POLB: variants seen among roughly 807,000 people sequenced by gnomAD.
POLB encodes 5'-dRP lyase.
A neutral mutation model predicts 52.7 loss-of-function variants in POLB; 37 were observed. The observed-to-expected ratio is 0.70, with a 90% CI of 0.54 to 0.92. The LOEUF (loss-of-function observed/expected upper bound fraction) is 0.92, where lower values mean the gene tolerates loss of function less well. Among genes scored for constraint, POLB ranks in the 40% least tolerant of loss-of-function variants. The pLI is 0.00. For missense variants in POLB, 313 were observed against 400.8 expected (o/e 0.78, Z 1.87); for synonymous variants, 138 against 131.3 (o/e 1.05, Z -0.35).
chr8:42,359,429 A>G (rs951007768), intron 9 of POLB, among the ~76,000 whole-genome samples: 1 of 151,204 alleles, frequency 6.6e-6, no homozygotes, highest in Non-Finnish European at 1.5e-5. Context: ...ATCTCGGCTC[A>G]CTGCAACCTC....
intron 2 of POLB, chr8:42,339,643 C>G (rs1047764401): frequency 6.6e-6 from 1 of 152,156 alleles, no homozygotes; most frequent in Non-Finnish European, 1.5e-5. Flanking sequence ...ACCTTCCAGC[C>G]TCAAGTGATC....
intron 2 of POLB, chr8:42,339,288 G>C (rs943940598): frequency 3.6e-6 from 2 of 560,736 alleles, no homozygotes; most frequent in African/African-American, 1.9e-5. Context: ...GATAGCTGTA[G>C]CCTGATACGT....
Position 42,357,154 on chromosome 8 carries a change from A to T in POLB, c.423-15A>T, listed in dbSNP as rs373888562. 1 of 1,419,678 alleles carries T rather than the reference A, an allele frequency of 7.0e-7. No homozygotes were observed. The highest frequency in any genetic ancestry group is 1.4e-5 in the African/African-American group (1 of 70,532). 87.9% of individuals were successfully genotyped at this position (1,419,678 alleles called of 1,614,324 possible). ...TTTTACGAAAATCTTTTGTCTACTT[A>T]TTCTGTCTTTATAGATATTTTGGGG... On this transcript the variant is annotated splice_polypyrimidine_tract_variant and intron_variant, in intron 7 of 13. Coordinates refer to ENST00000265421, the MANE Select transcript of POLB (RefSeq NM_002690.3).
rs200636493 is a variant in POLB, at chr8:42,338,647, A to G, written c.23A>G (p.Gln8Arg). ...GCCATGAGCAAACGGAAGGCGCCGC[A>G]GGAGACTCTCAACGGGGGAATCACC... MSKRKAP[Q>R]ETLNGGITDM... Residue 8 changes from glutamine (Q) to arginine (R), a missense_variant, in exon 1 of 14, where the codon CAG becomes CGG. Physicochemically the swap from Gln to Arg is conservative, Grantham distance 43. Transcript: ENST00000265421. 307 of 1,614,188 alleles carry G rather than the reference A, an allele frequency of 1.9e-4. No homozygotes were observed. The highest frequency in any genetic ancestry group is 2.4e-4 in the Non-Finnish European group (286 of 1,180,002).
chr8:42,366,742 TGGGAAGGTG>T (rs942558312), intron 11 of POLB, among the ~76,000 whole-genome samples: 13 of 152,208 alleles, frequency 8.5e-5, no homozygotes, highest in African/African-American at 3.1e-4. Flanking sequence ...TGTATGGCAT[TGGGAAGGTG>T]GATTTACTTC....
At chr8:42,369,517 C>T in intron 12 of POLB, 182 bp downstream of exon 12, 1 of 530,594 alleles carries the variant, frequency 1.9e-6, no homozygotes, top group Non-Finnish European at 3.3e-6. Flanking sequence ...TGACTGTCTA[C>T]AGACTCCAAT....
intron 5 of POLB, among the ~76,000 whole-genome samples, chr8:42,350,492 G>A (rs1225731583): frequency 6.6e-6 from 1 of 152,050 alleles, no homozygotes; most frequent in Non-Finnish European, 1.5e-5. Flanking sequence ...GCCCATGCTG[G>A]TCTTGAACTC....
chr8:42,340,793 C>T (rs1822154159), intron 2 of POLB, among the ~76,000 whole-genome samples: 1 of 152,202 alleles, frequency 6.6e-6, no homozygotes, highest in Non-Finnish European at 1.5e-5. Flanking sequence ...TGTGCTCCCT[C>T]CTTTCCTTAC....
At chr8:42,357,049 C>T in intron 7 of POLB, 120 bp from the exon 8 acceptor site, 1 of 627,062 alleles carries the variant, frequency 1.6e-6, no homozygotes. Flanking sequence ...TTCATTCTAG[C>T]CTTGATTTGT....
At chr8:42,367,578 A>T (rs896714566) in intron 11 of POLB, among the ~76,000 whole-genome samples, 1 of 152,206 alleles carries the variant, frequency 6.6e-6, no homozygotes, top group African/African-American at 2.4e-5. Context: ...TTCTCATTCC[A>T]TATCCCCTTT....
chr8:42,347,741 A>C (rs1359699113), intron 3 of POLB, among the ~76,000 whole-genome samples: 1 of 152,158 alleles, frequency 6.6e-6, no homozygotes, highest in Non-Finnish European at 1.5e-5. Flanking sequence ...TTTCTAATCT[A>C]TTCTGCTTCC....
At position 42,371,654 on chromosome 8, in the gene POLB, A is replaced by C; in HGVS notation, c.1005A>C (p.Glu335Asp). The part of the protein sequence containing the change: ...WKYREPKDRS[E>D] ...ACCGGGAACCCAAGGACCGGAGCGA[A>C]TGAGGCCTGTATCCTCCCTGGCAGA... is the stretch of plus-strand genomic sequence containing the variant. The change falls in exon 14 of 14, where the codon GAA (glutamate) becomes GAC (aspartate). Residue 335 changes from glutamate to aspartate, a missense_variant. Physicochemically the swap from Glu to Asp is conservative, Grantham distance 45. This residue lies in a region of POLB where 246 missense variants were observed against 297.6 expected (regional missense o/e 0.83). Coordinates refer to ENST00000265421, the MANE Select transcript of POLB (RefSeq NM_002690.3). 6.3e-7 allele frequency: 1 copy of C among 1,592,200 alleles called. No homozygotes were observed. Among genetic ancestry groups the C allele is most frequent in the Non-Finnish European group, 8.6e-7 (1 of 1,160,270 alleles).
rs996071940 is a variant in POLB at position 42,355,508 on chromosome 8, C to T, written c.371-8C>T. ...TTAACATGTCAACTTTATTTATCTT[C>T]TATACAGATCTCAGAAAAAATGAAG... On this transcript the variant is annotated splice_region_variant and splice_polypyrimidine_tract_variant and intron_variant, in intron 6 of 13. Transcript: ENST00000265421. 2 of 1,511,756 alleles carry T rather than the reference C, an allele frequency of 1.3e-6. No homozygotes were observed. Among genetic ancestry groups the T allele is most frequent in the African/African-American group, 2.7e-5 (2 of 72,972 alleles). 93.6% of individuals were successfully genotyped at this position (1,511,756 alleles called of 1,614,324 possible).
intron 6 of POLB, among the ~76,000 whole-genome samples, chr8:42,354,988 A>C (rs1471324547): frequency 6.6e-6 from 1 of 152,174 alleles, no homozygotes; most frequent in African/African-American, 2.4e-5. Flanking sequence ...TCTTAACAAT[A>C]AATTAAACCA....
chr8:42,355,444 T>C, intron 6 of POLB, 72 bp from the exon 7 acceptor site: 1 of 812,586 alleles, frequency 1.2e-6, no homozygotes, highest in Non-Finnish European at 2.1e-6. Flanking sequence ...ATAAAAAGGG[T>C]CATTGAGTTT....
intron 2 of POLB, chr8:42,339,856 C>T (rs975852845): frequency 6.6e-6 from 1 of 152,024 alleles, no homozygotes; most frequent in African/African-American, 2.4e-5. Context: ...CAGGCATCAG[C>T]CTCGGTGTCA....
intron 13 of POLB, among the ~76,000 whole-genome samples, chr8:42,371,315 G>A (rs1824376263): frequency 6.6e-6 from 1 of 152,030 alleles, no homozygotes; most frequent in African/African-American, 2.4e-5. Context: ...TAGAGATGGG[G>A]TTTCTCCATG....
intron 2 of POLB, among the ~76,000 whole-genome samples, chr8:42,341,392 T>C (rs976894052): frequency 1.3e-5 from 2 of 152,204 alleles, no homozygotes; most frequent in African/African-American, 4.8e-5. Flanking sequence ...AATATGTCTT[T>C]TCAGATTCAT....
intron 9 of POLB, among the ~76,000 whole-genome samples, chr8:42,358,417 G>A (rs1284605581): frequency 6.6e-6 from 1 of 152,056 alleles, no homozygotes; most frequent in Non-Finnish European, 1.5e-5. Context: ...CAGGAGAATG[G>A]CATGAACCTG....
Sources: gnomAD v4.1 joint callset for allele counts (sites outside exome capture counted in the v4.1 genomes callset) on GRCh38, gnomAD v4.1.1 for gene constraint, gnomAD v4.1.1 regional missense constraint, MANE v1.5 for transcripts, NCBI Gene and HGNC (gene_info 2026-07-23, HGNC 2026-07-21) for gene names.